The following MSL2 variants were observed in gnomAD, a reference collection of about 807,000 sequenced individuals.
MSL2 encodes the protein MSL complex subunit 2, also known as E3 ubiquitin-protein ligase MSL2.
Under a neutral mutation model 35.8 loss-of-function variants are expected in MSL2, and 2 were observed. The ratio of observed to expected loss-of-function variants is 0.06; its 90% CI spans 0.02 to 0.18. The LOEUF is 0.18. Ranked by LOEUF, MSL2 falls within the 10% of genes least tolerant of loss-of-function variation. The pLI is 1.00. For missense variants in MSL2, 523 were observed against 706.7 expected (o/e 0.74, Z 2.95); for synonymous variants, 296 against 255.7 (o/e 1.16, Z -1.50).
At position 136,195,796 on chromosome 3, in the gene MSL2, C is replaced by T. The variant is rs1382756729; in HGVS notation, c.-683G>A. ...TGCAGCCCGCAGTTCCCCGAGGTGG[C>T]GAGGCGGGCGGGAGTCCTCAACCCG... On this transcript the variant is annotated 5_prime_UTR_variant, in exon 1 of 2. Coordinates refer to ENST00000309993, the MANE Select transcript of MSL2 (RefSeq NM_018133.4). 1.9e-5 allele frequency: 19 copies of T among 984,820 alleles called. No individual in the cohort carries two copies. The highest frequency in any genetic ancestry group is 5.2e-4 in the Middle Eastern group (1 of 1,934). The allele number at this position is 984,820 out of a possible 1,614,324, so 61.0% of individuals were successfully genotyped here. A position where few individuals can be genotyped will look rare whatever the true frequency, so the allele number is the denominator to read the frequency against.
chr3:136,151,762 T>C lies in MSL2; in HGVS notation c.1119A>G (p.Thr373=). The C allele has an allele frequency of 1.2e-6, 2 of 1,614,210 alleles. No individual in the cohort carries two copies. The highest frequency in any genetic ancestry group is 1.1e-5 in the South Asian group (1 of 91,086). The change falls in exon 2 of 2, where the codon ACA becomes ACG. Residue 373 remains threonine, a synonymous_variant. Coordinates refer to ENST00000309993, the MANE Select transcript of MSL2 (RefSeq NM_018133.4). This position sits in a 1 kb window ranked among gnomAD's most constrained non-coding sequence, Gnocchi z 5.2. ...GPTLGASAPV[T]VKRESKISLQ... ...GAGAAATTTTGCTCTCCCGTTTCACTGTCACAGGAGCAGATGCCCCCAGTG... is the reference window on the plus strand; with the variant it reads ...GAGAAATTTTGCTCTCCCGTTTCACCGTCACAGGAGCAGATGCCCCCAGTG...
chr3:136,166,062 T>TAAAAAAAA (rs34420183), intron 1 of MSL2, among the ~76,000 whole-genome samples: 1 of 80,084 alleles, frequency 1.2e-5, no homozygotes, highest in Non-Finnish European at 2.3e-5. Flanking sequence ...TACGTACCAG[T>TAAAAAAAA]AAAAAAAAAA....
At chr3:136,158,212 T>C (rs1939587587) in intron 1 of MSL2, among the ~76,000 whole-genome samples, 1 of 151,670 alleles carries the variant, frequency 6.6e-6, no homozygotes, top group Admixed American at 6.6e-5. Flanking sequence ...CTCAGGAGGC[T>C]GAGGCAGGAG....
intron 1 of MSL2, among the ~76,000 whole-genome samples, chr3:136,181,474 T>G (rs900488096): frequency 2.0e-5 from 3 of 152,172 alleles, no homozygotes; most frequent in African/African-American, 7.2e-5. Flanking sequence ...TTTAAAATGT[T>G]TTCTCTTTTT....
chr3:136,192,849 A>G (rs920637462), intron 1 of MSL2, among the ~76,000 whole-genome samples: 11 of 152,340 alleles, frequency 7.2e-5, no homozygotes, highest in Admixed American at 2.6e-4. Context: ...TAAGGAAAAA[A>G]GTCTAGTACA....
rs1425041718 is a variant in MSL2 at position 136,151,266 on chromosome 3, C to T, written c.1615G>A (p.Ala539Thr). 1.2e-6 allele frequency: 2 copies of T among 1,614,222 alleles called. No individual in the cohort carries two copies. Among genetic ancestry groups the T allele is most frequent in the Non-Finnish European group, 1.7e-6 (2 of 1,180,046 alleles). Residue 539 changes from alanine to threonine, a missense_variant, in exon 2 of 2, where the codon GCT becomes ACT. By Grantham distance (58) the Ala-to-Thr change is moderately conservative (BLOSUM62 0). Around this residue, in one of 5 missense-constraint regions of MSL2, gnomAD observed 60 missense variants for 75.1 expected, o/e 0.80. Transcript: ENST00000309993. This position sits in a 1 kb window ranked among gnomAD's most constrained non-coding sequence, Gnocchi z 5.2. ...TTTATTACACTGGTGCTGGTACTAG[C>T]GTTACGCACAGCAATGCTAGTCACG... is the stretch of plus-strand genomic sequence containing the variant. The part of the protein sequence containing the change: ...INVTSIAVRN[A>T]STSTSVINVT...
At position 136,195,192 on chromosome 3, in the gene MSL2, G is replaced by A. The variant is rs1940801049; in HGVS notation, c.-79C>T. 6.5e-7 allele frequency: 1 copy of A among 1,545,662 alleles called. No homozygotes were observed. The highest frequency in any genetic ancestry group is 1.2e-5 in the South Asian group (1 of 81,498). ...CTTAGTAAGCAGCCAGGGAACGATGGCGAATTTGCAACAATTCGGAAGAAA... is the reference window on the plus strand; with the variant it reads ...CTTAGTAAGCAGCCAGGGAACGATGACGAATTTGCAACAATTCGGAAGAAA... On this transcript the variant is annotated 5_prime_UTR_variant, in exon 1 of 2. Transcript: ENST00000309993.
Position 136,152,126 on chromosome 3 carries a change from T to C in MSL2, c.755A>G (p.Asp252Gly). The C allele has an allele frequency of 6.2e-7, 1 of 1,614,186 alleles. No homozygotes were observed. The highest frequency in any genetic ancestry group is 8.5e-7 in the Non-Finnish European group (1 of 1,180,038). Reference protein sequence around the residue: ...VATDLCSTGIDICSFSEDIKP... With the variant: ...VATDLCSTGIGICSFSEDIKP... ...TATATCTTCACTGAAACTGCAGATATCAATGCCTGTGGAACATAAGTCAGT... is the reference window on the plus strand; with the variant it reads ...TATATCTTCACTGAAACTGCAGATACCAATGCCTGTGGAACATAAGTCAGT... The change falls in exon 2 of 2, where the codon GAT becomes GGT. Residue 252 changes from aspartate (D) to glycine (G), a missense_variant. Physicochemically the swap from Asp to Gly is moderately conservative, Grantham distance 94 (BLOSUM62 -1). Around this residue, in one of 5 missense-constraint regions of MSL2, gnomAD observed 361 missense variants for 414.6 expected, o/e 0.87. Transcript: ENST00000309993.
At chr3:136,160,761 C>T (rs559757247) in intron 1 of MSL2, among the ~76,000 whole-genome samples, 110 of 151,052 alleles carry the variant, frequency 7.3e-4, no homozygotes, top group African/African-American at 2.7e-3. Context: ...ATTTTAAAAG[C>T]AAAAATCTGA....
At chr3:136,165,366 T>C (rs530055253) in intron 1 of MSL2, among the ~76,000 whole-genome samples, 1 of 152,306 alleles carries the variant, frequency 6.6e-6, no homozygotes, top group African/African-American at 2.4e-5. Context: ...AAATATTCAT[T>C]TTTGTGCCTC....
At chr3:136,194,469 G>T (rs1435075261) in intron 1 of MSL2, 1 of 985,698 alleles carries the variant, frequency 1.0e-6, no homozygotes, top group Non-Finnish European at 1.2e-6. Flanking sequence ...AAGCATTTGT[G>T]GAGGAACCTG....
intron 1 of MSL2, among the ~76,000 whole-genome samples, chr3:136,173,244 G>A (rs1393047992): frequency 1.3e-5 from 2 of 152,118 alleles, no homozygotes; most frequent in African/African-American, 2.4e-5. Flanking sequence ...TTTAACTACT[G>A]TTCATAAACT....
chr3:136,188,870 A>C (rs970950355), intron 1 of MSL2, among the ~76,000 whole-genome samples: 2 of 151,914 alleles, frequency 1.3e-5, no homozygotes, highest in African/African-American at 4.8e-5. Flanking sequence ...ACCCACATTT[A>C]AACTATTATT....
chr3:136,180,441 A>G (rs543159487), intron 1 of MSL2, among the ~76,000 whole-genome samples: 1 of 152,060 alleles, frequency 6.6e-6, no homozygotes, highest in Non-Finnish European at 1.5e-5. Flanking sequence ...GACAACTTAT[A>G]AAGAATAAAA....
intron 1 of MSL2, among the ~76,000 whole-genome samples, chr3:136,178,268 A>G (rs1328866348): frequency 6.6e-6 from 1 of 152,214 alleles, no homozygotes; most frequent in Non-Finnish European, 1.5e-5. Flanking sequence ...TGGCAAAGCA[A>G]TGACAGCCAC....
In MSL2 at chr3:136,195,753, G is replaced by C. The variant is rs1940825741; in HGVS notation, c.-640C>G. On this transcript the variant is annotated 5_prime_UTR_variant, in exon 1 of 2. Transcript: ENST00000309993. ...GACGCGGGGCCCAGACTGCGCCCTG[G>C]CTCTCCGCCCCGTGGGTTGCAGCCC... 1 of 984,950 alleles carries C rather than the reference G, an allele frequency of 1.0e-6. No individual in the cohort carries two copies. Among genetic ancestry groups the C allele is most frequent in the Non-Finnish European group, 1.2e-6 (1 of 829,804 alleles). The allele number at this position is 984,950 out of a possible 1,614,324, so 61.0% of individuals were successfully genotyped here.
chr3:136,195,859 C>A lies in MSL2; in HGVS notation c.-746G>T, dbSNP rs1238109342. On this transcript the variant is annotated 5_prime_UTR_variant, in exon 1 of 2. Coordinates refer to ENST00000309993, the MANE Select transcript of MSL2 (RefSeq NM_018133.4). Reference sequence around the variant, plus strand: ...GGGGAGGAAGTGCGCGGGCCGCCGCCGGCGGGCGGGAGGGGGCGGGGGGCA... The same window carrying A: ...GGGGAGGAAGTGCGCGGGCCGCCGCAGGCGGGCGGGAGGGGGCGGGGGGCA... The A allele has an allele frequency of 1.0e-6, 1 of 980,424 alleles. No individual in the cohort carries two copies. Among genetic ancestry groups the A allele is most frequent in the African/African-American group, 1.8e-5 (1 of 56,790 alleles). The allele number at this position is 980,424 out of a possible 1,614,324, so 60.7% of individuals were successfully genotyped here. A position where few individuals can be genotyped will look rare whatever the true frequency, so the allele number is the denominator to read the frequency against.
intron 1 of MSL2, among the ~76,000 whole-genome samples, chr3:136,189,721 CAAAA>C (rs375444164): frequency 2.2e-4 from 11 of 50,196 alleles, no homozygotes; most frequent in East Asian, 1.2e-3. Context: ...GACGCCGTCT[CAAAA>C]AAAAAAAAAA....
chr3:136,193,138 G>A (rs1207545340), intron 1 of MSL2, among the ~76,000 whole-genome samples: 1 of 152,184 alleles, frequency 6.6e-6, no homozygotes. Flanking sequence ...GCTCCAGTTG[G>A]ACTTTTAAAT....
Sources: allele counts gnomAD v4.1 joint callset (sites outside exome capture counted in the v4.1 genomes callset), GRCh38; gene constraint gnomAD v4.1.1; regional missense constraint gnomAD v4.1.1; non-coding constraint Gnocchi (gnomAD v3.1); transcripts MANE v1.5; gene names NCBI Gene and HGNC (gene_info 2026-07-23, HGNC 2026-07-21).